The following SLC5A4 variants were observed in gnomAD, a reference collection of about 807,000 sequenced individuals.
The protein encoded by SLC5A4 is solute carrier family 5 member 4.
A neutral mutation model predicts 70.3 loss-of-function variants in SLC5A4; 55 were observed. The observed-to-expected ratio is 0.78, with a 90% CI of 0.63 to 0.98. The LOEUF (loss-of-function observed/expected upper bound fraction) is 0.98, where lower values mean the gene tolerates loss of function less well. SLC5A4 is among the 50% of genes least tolerant of loss of function. SLC5A4 has a pLI of 0.00. For synonymous variants in SLC5A4, 268 were observed against 305.7 expected (o/e 0.88, Z 1.29); for missense variants, 735 against 839.2 (o/e 0.88, Z 1.53).
At chr22:32,300,446 C>G in the SLC5A4 span, among the ~76,000 whole-genome samples, 1 of 152,148 alleles carries the variant, frequency 6.6e-6, no homozygotes. Context: ...TCACCCCTTT[C>G]TTTGACTCAG....
chr22:32,234,825 C>CACAGACAG (rs374584654), intron 8 of SLC5A4, 48 bp downstream of exon 8: 2 of 1,348,162 alleles, frequency 1.5e-6, no homozygotes, highest in South Asian at 1.2e-5. Flanking sequence ...CATACAGACA[C>CACAGACAG]ACAGACAGAC....
At chr22:32,239,558 A>ATATATT (rs1926333679) in intron 5 of SLC5A4, among the ~76,000 whole-genome samples, 2 of 24,980 alleles carry the variant, frequency 8.0e-5, no homozygotes, top group African/African-American at 2.2e-4. Flanking sequence ...ATATATATAT[A>ATATATT]TATATATATA....
At chr22:32,264,182 T>C in the SLC5A4 span, among the ~76,000 whole-genome samples, 13 of 148,830 alleles carry the variant, frequency 8.7e-5, no homozygotes, top group African/African-American at 3.2e-4. Flanking sequence ...GAACTTAAAG[T>C]ATAATAAAAA....
At chr22:32,304,014 T>A in the SLC5A4 span, among the ~76,000 whole-genome samples, 1 of 152,244 alleles carries the variant, frequency 6.6e-6, no homozygotes, top group Non-Finnish European at 1.5e-5. Flanking sequence ...TCATGGTATC[T>A]CATTGTTTTA....
At chr22:32,242,234 G>A (rs1926574141) in intron 5 of SLC5A4, among the ~76,000 whole-genome samples, 1 of 152,100 alleles carries the variant, frequency 6.6e-6, no homozygotes, top group Non-Finnish European at 1.5e-5. Flanking sequence ...CACTAAAGGA[G>A]CCAGGGCTCT....
intron 13 of SLC5A4, among the ~76,000 whole-genome samples, chr22:32,221,251 T>C (rs1310299429): frequency 6.6e-6 from 1 of 152,226 alleles, no homozygotes; most frequent in African/African-American, 2.4e-5. Flanking sequence ...GAACTTCAAA[T>C]GATATACTTA....
intron 5 of SLC5A4, among the ~76,000 whole-genome samples, chr22:32,239,536 A>ATATT (rs1926283394): frequency 8.3e-5 from 1 of 12,064 alleles, no homozygotes; most frequent in Non-Finnish European, 1.3e-4. Flanking sequence ...ATATATATAT[A>ATATT]TATATATATA....
chr22:32,264,168 C>T, the SLC5A4 span, among the ~76,000 whole-genome samples: 1 of 151,260 alleles, frequency 6.6e-6, no homozygotes, highest in Admixed American at 6.6e-5. Context: ...GCATATGTAC[C>T]CCAGAACTTA....
At chr22:32,325,057 T>C in the SLC5A4 span, among the ~76,000 whole-genome samples, 1 of 152,240 alleles carries the variant, frequency 6.6e-6, no homozygotes. Context: ...CGTGTCCTCC[T>C]AGGCACTCTG....
the SLC5A4 span, among the ~76,000 whole-genome samples, chr22:32,306,203 C>T: frequency 3.9e-5 from 6 of 152,192 alleles, no homozygotes; most frequent in Admixed American, 2.6e-4. Flanking sequence ...CGGTGGCTCA[C>T]GCCTGTAATC....
chr22:32,306,856 GAAC>G, the SLC5A4 span, among the ~76,000 whole-genome samples: 6 of 152,106 alleles, frequency 3.9e-5, no homozygotes, highest in Non-Finnish European at 8.8e-5. Context: ...GGGAAATGGG[GAAC>G]AATAGGAAGA....
chr22:32,233,882 A>T (rs992195884), intron 8 of SLC5A4, among the ~76,000 whole-genome samples: 6 of 151,654 alleles, frequency 4.0e-5, no homozygotes, highest in African/African-American at 1.5e-4. Context: ...AAAGCTGAGG[A>T]AAAGTCAGGC....
chr22:32,302,927 T>A, the SLC5A4 span, among the ~76,000 whole-genome samples: 3 of 152,390 alleles, frequency 2.0e-5, no homozygotes, highest in Admixed American at 2.0e-4. Flanking sequence ...AGAATTGACA[T>A]CTTTGTTGAG....
chr22:32,272,652 G>A, the SLC5A4 span: 2 of 573,480 alleles, frequency 3.5e-6, no homozygotes, highest in Admixed American at 2.9e-5. Context: ...GTACCTGCCT[G>A]AAGCCAAGGA....
At chr22:32,268,320 G>A in the SLC5A4 span, 6 of 152,094 alleles carry the variant, frequency 3.9e-5, no homozygotes, top group South Asian at 4.2e-4. Flanking sequence ...TTCAAGAAGC[G>A]AGTCGATGTC....
chr22:32,334,714 A>C, the SLC5A4 span, among the ~76,000 whole-genome samples: 2 of 152,212 alleles, frequency 1.3e-5, no homozygotes, highest in African/African-American at 4.8e-5. Flanking sequence ...GAGATGTCCC[A>C]GGGATTGAAT....
chr22:32,261,013 C>T, the SLC5A4 span, among the ~76,000 whole-genome samples: 821 of 151,488 alleles, frequency 5.4e-3, 10 homozygotes, highest in African/African-American at 0.019. Context: ...GCGAAGTTTG[C>T]AGTGAGCTGA....
the SLC5A4 span, among the ~76,000 whole-genome samples, chr22:32,343,748 A>G: frequency 6.6e-6 from 1 of 152,236 alleles, no homozygotes; most frequent in African/African-American, 2.4e-5. Context: ...TAGATAAATT[A>G]TCAATTAGAA....
At chr22:32,335,434 T>C in the SLC5A4 span, among the ~76,000 whole-genome samples, 11 of 152,154 alleles carry the variant, frequency 7.2e-5, no homozygotes, top group South Asian at 2.1e-4. Context: ...CAGGGACCTC[T>C]TTCCACACAC....
Sources: allele counts gnomAD v4.1 joint callset (sites outside exome capture counted in the v4.1 genomes callset), GRCh38; gene constraint gnomAD v4.1.1; transcripts MANE v1.5; gene names NCBI Gene and HGNC (gene_info 2026-07-23, HGNC 2026-07-21).